The following ACOD1 variants were observed in gnomAD, a reference collection of about 807,000 sequenced individuals.
ACOD1 encodes aconitate decarboxylase 1.
Under a neutral mutation model 14.2 loss-of-function variants are expected in ACOD1, and 14 were observed. That is an observed-to-expected ratio of 0.99 (90% CI 0.65 to 1.54). The LOEUF is 1.54. ACOD1 is among the 40% of genes most tolerant of loss of function. The probability of loss-of-function intolerance (pLI) is 0.00; values close to 1 mark genes in which losing one functional copy is unlikely to be tolerated. For missense variants in ACOD1, 530 were observed against 586.3 expected, an observed-to-expected ratio of 0.90 and a Z score of 0.99; for synonymous variants, 182 against 221.7, an observed-to-expected ratio of 0.82 and a Z score of 1.59.
chr13:76,957,753 T>A lies in ACOD1; in HGVS notation c.1214T>A (p.Phe405Tyr). Residue 405 changes from phenylalanine to tyrosine, a missense_variant, in exon 5 of 5, where the codon TTC becomes TAC. Phe to Tyr is a conservative substitution (Grantham distance 22). Coordinates refer to ENST00000377462, the MANE Select transcript of ACOD1 (RefSeq NM_001258406.2). ...GATFTDRSDT[F>Y]YGHWRKPLSQ... ...ACCTTCACAGATCGCTCTGATACCT[T>A]CTATGGGCACTGGAGAAAACCACTG... 1 of 1,550,660 alleles carries A rather than the reference T, an allele frequency of 6.4e-7. No individual in the cohort carries two copies.
intron 3 of ACOD1, among the ~76,000 whole-genome samples, chr13:76,954,986 G>C (rs2033857106): frequency 6.6e-6 from 1 of 151,828 alleles, no homozygotes; most frequent in South Asian, 2.1e-4. Context: ...AATTAGCCAG[G>C]TGCGGTGGTG....
At chr13:76,955,241 A>C (rs1471852552) in intron 3 of ACOD1, 78 bp from the exon 4 acceptor site, 3 of 982,492 alleles carry the variant, frequency 3.1e-6, no homozygotes, top group Non-Finnish European at 4.6e-6. Context: ...TACTAAACTA[A>C]GTCCTTAGTG....
rs2033896556 is a variant in ACOD1 at position 76,957,877 on chromosome 13, A to G, written c.1338A>G (p.Glu446=). 1 of 1,550,902 alleles carries G rather than the reference A, an allele frequency of 6.4e-7. No individual in the cohort carries two copies. Residue 446 remains glutamate, a synonymous_variant, in exon 5 of 5, where the codon GAA becomes GAG. Transcript: ENST00000377462. The stretch of plus-strand genomic sequence containing the variant: ...TTATAAAGATAGTCAAAAATCTAGA[A>G]GACCTAGAAGACTGTTCTGTGTTAA... ...ESLIKIVKNL[E]DLEDCSVLTT...
chr13:76,954,730 ACCAGGGCAAGAC>A (rs1214182069), intron 3 of ACOD1, among the ~76,000 whole-genome samples: 28 of 152,174 alleles, frequency 1.8e-4, no homozygotes, highest in Admixed American at 1.8e-3. Context: ...AGCTCAGGCC[ACCAGGGCAAGAC>A]CCAAGCTCCT....
chr13:76,954,222 A>G (rs1215768692), intron 3 of ACOD1, among the ~76,000 whole-genome samples: 1 of 152,228 alleles, frequency 6.6e-6, no homozygotes, highest in Non-Finnish European at 1.5e-5. Context: ...TGTAACTTGG[A>G]AACAGACATG....
At position 76,957,129 on chromosome 13, in the gene ACOD1, C is replaced by T; in HGVS notation, c.590C>T (p.Ala197Val). 6.4e-7 allele frequency: 1 copy of T among 1,550,658 alleles called. No homozygotes were observed. The highest frequency in any genetic ancestry group is 8.7e-7 in the Non-Finnish European group (1 of 1,147,010). ...ALAIAVSHAG[A>V]PMANAATQTK... Reference sequence around the variant, plus strand: ...GCCATTGCTGTTTCCCATGCTGGGGCACCCATGGCCAATGCTGCCACCCAG... The same window carrying T: ...GCCATTGCTGTTTCCCATGCTGGGGTACCCATGGCCAATGCTGCCACCCAG... Residue 197 changes from alanine to valine, a missense_variant, in exon 5 of 5, where the codon GCA becomes GTA. Coordinates refer to ENST00000377462, the MANE Select transcript of ACOD1 (RefSeq NM_001258406.2).
Position 76,958,019 on chromosome 13 carries a change from G to A in ACOD1, c.*34G>A, listed in dbSNP as rs529771714. The A allele has an allele frequency of 6.8e-7, 1 of 1,463,810 alleles. No homozygotes were observed. Among genetic ancestry groups the A allele is most frequent in the African/African-American group, 1.4e-5 (1 of 70,194 alleles). 90.7% of individuals were successfully genotyped at this position (1,463,810 alleles called of 1,614,324 possible). A position where few individuals can be genotyped will look rare whatever the true frequency, so the allele number is the denominator to read the frequency against. On this transcript the variant is annotated 3_prime_UTR_variant, in exon 5 of 5. Coordinates refer to ENST00000377462, the MANE Select transcript of ACOD1 (RefSeq NM_001258406.2). ...AACATCTAAATGACTTTGCATTTGG[G>A]GAGATTCAATGATTTGGTTTGTAAA...
At position 76,954,900 on chromosome 13, in the gene ACOD1, G is replaced by T. The variant is rs564814212; in HGVS notation, c.265-419G>T. ...TCCTAGCACTTTGGGAGGCTGAGGC[G>T]GGCGGATAACGAGGTCAGGAGTTTG... is the stretch of plus-strand genomic sequence containing the variant. On this transcript the variant is annotated intron_variant, in intron 3 of 4. Transcript: ENST00000377462. 3.3e-5 allele frequency among the ~76,000 whole-genome samples: 5 copies of T among 152,056 alleles called. No homozygotes were observed. The East Asian group carries it at 5.8e-4, about 18-fold the overall frequency.
chr13:76,950,319 C>T (rs2033810119), intron 1 of ACOD1, among the ~76,000 whole-genome samples: 1 of 152,146 alleles, frequency 6.6e-6, no homozygotes, highest in Non-Finnish European at 1.5e-5. Flanking sequence ...GGAAGCAATC[C>T]AATATTCACT....
chr13:76,953,175 T>C (rs1408302103), intron 2 of ACOD1, among the ~76,000 whole-genome samples: 2 of 152,104 alleles, frequency 1.3e-5, no homozygotes, highest in East Asian at 1.9e-4. Flanking sequence ...AAAAAAAATA[T>C]GCTAATAATA....
intron 1 of ACOD1, among the ~76,000 whole-genome samples, chr13:76,949,922 T>C (rs941126008): frequency 6.6e-6 from 1 of 152,176 alleles, no homozygotes; most frequent in African/African-American, 2.4e-5. Flanking sequence ...GAAACCTTTG[T>C]GCCACCATCC....
intron 3 of ACOD1, 123 bp downstream of exon 3, chr13:76,953,812 T>C: frequency 3.0e-6 from 2 of 660,692 alleles, no homozygotes; most frequent in South Asian, 1.8e-5. Context: ...GTCAGACAGA[T>C]AAAGTGGCTT....
chr13:76,951,701 G>C (rs1356525846), intron 1 of ACOD1, among the ~76,000 whole-genome samples: 1 of 152,140 alleles, frequency 6.6e-6, no homozygotes, highest in African/African-American at 2.4e-5. Context: ...TTAGGGAGTA[G>C]CTGCCATATT....
chr13:76,955,440 A>G lies in ACOD1; in HGVS notation c.386A>G (p.Asp129Gly). The change falls in exon 4 of 5, where the codon GAC becomes GGC. Residue 129 changes from aspartate (D) to glycine (G), a missense_variant. Transcript: ENST00000377462. ...LPRSPKFSGL[D>G]LLLAFNVGIE... ...AGGAGTCCAAAGTTTTCTGGCCTTG[A>G]CCTGCTGCTGGCTTTCAATGTTGGT... 6.4e-7 allele frequency: 1 copy of G among 1,550,608 alleles called. No individual in the cohort carries two copies. The highest frequency in any genetic ancestry group is 8.7e-7 in the Non-Finnish European group (1 of 1,147,012).
At chr13:76,955,610 G>A (rs2033867889) in intron 4 of ACOD1, 86 bp downstream of exon 4, 2 of 1,211,104 alleles carry the variant, frequency 1.7e-6, no homozygotes, top group African/African-American at 1.5e-5. Context: ...CTGACTTAGA[G>A]GCCGGTTCAG....
In ACOD1 at chr13:76,957,114, T is replaced by C; in HGVS notation, c.575T>C (p.Val192Ala). 6.4e-7 allele frequency: 1 copy of C among 1,550,646 alleles called. No individual in the cohort carries two copies. Among genetic ancestry groups the C allele is most frequent in the Non-Finnish European group, 8.7e-7 (1 of 1,147,010 alleles). The stretch of plus-strand genomic sequence containing the variant: ...TGCCGAGAAGCTCTGGCCATTGCTG[T>C]TTCCCATGCTGGGGCACCCATGGCC... ...TKCREALAIA[V>A]SHAGAPMANA... The change falls in exon 5 of 5, where the codon GTT (valine) becomes GCT (alanine). Residue 192 changes from valine (V) to alanine (A), a missense_variant. Val to Ala is a moderately conservative substitution (Grantham distance 64, BLOSUM62 0). Transcript: ENST00000377462.
chr13:76,955,450 G>T lies in ACOD1; in HGVS notation c.396G>T (p.Leu132=). ...AGTTTTCTGGCCTTGACCTGCTGCT[G>T]GCTTTCAATGTTGGTATTGAAGTGC... ...SPKFSGLDLL[L]AFNVGIEVQG... is the part of the protein sequence containing the mutation. The change falls in exon 4 of 5, where the codon CTG becomes CTT. Residue 132 remains leucine (L), a synonymous_variant. Coordinates refer to ENST00000377462, the MANE Select transcript of ACOD1 (RefSeq NM_001258406.2). The T allele has an allele frequency of 6.4e-7, 1 of 1,550,636 alleles. No individual in the cohort carries two copies.
intron 2 of ACOD1, among the ~76,000 whole-genome samples, chr13:76,953,017 T>C (rs1211252174): frequency 6.6e-6 from 1 of 152,142 alleles, no homozygotes; most frequent in Non-Finnish European, 1.5e-5. Context: ...CACACGCCTA[T>C]AGTCCCAGCT....
rs2033899191 is a variant in ACOD1 at position 76,958,090 on chromosome 13, GGA to G, written c.*111_*112del. On this transcript the variant is annotated 3_prime_UTR_variant, in exon 5 of 5. Coordinates refer to ENST00000377462, the MANE Select transcript of ACOD1 (RefSeq NM_001258406.2). ...TTTCCCAGGAAAAATGAACAAAGAT[GGA>G]GAGAGTCCAGAAACAGAACTACATA... 1 of 1,161,164 alleles carries G rather than the reference GGA, an allele frequency of 8.6e-7. No individual in the cohort carries two copies. 71.9% of individuals were successfully genotyped at this position (1,161,164 alleles called of 1,614,324 possible). A position where few individuals can be genotyped will look rare whatever the true frequency, so the allele number is the denominator to read the frequency against.
Sources: gnomAD v4.1 joint callset for allele counts (sites outside exome capture counted in the v4.1 genomes callset) on GRCh38, gnomAD v4.1.1 for gene constraint, MANE v1.5 for transcripts, NCBI Gene and HGNC (gene_info 2026-07-23, HGNC 2026-07-21) for gene names.